The following HECTD4 variants were observed in gnomAD, a reference collection of about 807,000 sequenced individuals.
HECTD4 encodes HECT domain E3 ubiquitin protein ligase 4.
Under a neutral mutation model 471.5 loss-of-function variants are expected in HECTD4, and 114 were observed. That is an observed-to-expected ratio of 0.24 (90% CI 0.21 to 0.28). The LOEUF is 0.28. Among genes scored for constraint, HECTD4 ranks in the 10% least tolerant of loss-of-function variants. The pLI is 1.00. For missense variants in HECTD4, 3,866 were observed against 5,651.5 expected (o/e 0.68, Z 10.13); for synonymous variants, 2,012 against 2,256.0 (o/e 0.89, Z 3.07).
intron 44 of HECTD4, 91 bp from the exon 45 acceptor site, chr12:112,219,580 A>C: frequency 2.2e-5 from 18 of 834,364 alleles, no homozygotes; most frequent in Non-Finnish European, 2.9e-5. Context: ...AAACAATAAA[A>C]TGCACTTATA....
chr12:112,290,763 A>G (rs1206515529), intron 7 of HECTD4, among the ~76,000 whole-genome samples: 3 of 150,608 alleles, frequency 2.0e-5, no homozygotes, highest in African/African-American at 7.4e-5. Flanking sequence ...CAGGGGAATC[A>G]CTTGAACCTG....
At chr12:112,200,097 G>A (rs970144270) in intron 55 of HECTD4, among the ~76,000 whole-genome samples, 1 of 151,932 alleles carries the variant, frequency 6.6e-6, no homozygotes, top group Non-Finnish European at 1.5e-5. Flanking sequence ...CTACCCATCA[G>A]TCCTCCCAAA....
At chr12:112,202,195 A>T (rs2032448537) in intron 54 of HECTD4, among the ~76,000 whole-genome samples, 1 of 152,068 alleles carries the variant, frequency 6.6e-6, no homozygotes, top group Non-Finnish European at 1.5e-5. Context: ...GACAAAATAG[A>T]GTCAGATGAT....
At chr12:112,252,695 C>A (rs2033919023) in intron 22 of HECTD4, 167 bp from the exon 23 acceptor site, 4 of 802,508 alleles carry the variant, frequency 5.0e-6, no homozygotes, top group African/African-American at 3.5e-5. Context: ...TTTAGACAAC[C>A]AGTCCTTTAA....
At chr12:112,303,293 G>A (rs1478345831) in intron 7 of HECTD4, among the ~76,000 whole-genome samples, 1 of 152,142 alleles carries the variant, frequency 6.6e-6, no homozygotes, top group Non-Finnish European at 1.5e-5. Flanking sequence ...CACATCTGAT[G>A]TCCCAGTTGC....
intron 60 of HECTD4, 84 bp downstream of exon 60, chr12:112,190,702 C>T (rs1566066614): frequency 5.9e-6 from 8 of 1,354,626 alleles, no homozygotes; most frequent in Admixed American, 2.3e-5. Context: ...CCACTCCCTA[C>T]ACCACCTGGC....
At chr12:112,226,536 CT>C (rs546936186) in intron 44 of HECTD4, 106 bp downstream of exon 44, 213 of 596,292 alleles carry the variant, frequency 3.6e-4, no homozygotes, top group African/African-American at 3.5e-3. Context: ...TACAGCTCGG[CT>C]GTTTTGATGT....
At chr12:112,177,171 G>A (rs2031479193) in intron 64 of HECTD4, among the ~76,000 whole-genome samples, 2 of 152,142 alleles carry the variant, frequency 1.3e-5, no homozygotes, top group Non-Finnish European at 2.9e-5. Flanking sequence ...ATGGGACAGT[G>A]CTGATTGAGA....
chr12:112,282,453 T>G (rs1226826409), intron 8 of HECTD4, among the ~76,000 whole-genome samples: 1 of 152,120 alleles, frequency 6.6e-6, no homozygotes, highest in African/African-American at 2.4e-5. Flanking sequence ...TATAGTATAC[T>G]ACCTTCTATT....
intron 7 of HECTD4, among the ~76,000 whole-genome samples, chr12:112,298,634 G>A (rs983319601): frequency 2.0e-5 from 3 of 151,720 alleles, no homozygotes; most frequent in African/African-American, 7.3e-5. Context: ...TGTAATCCCA[G>A]CACTTTGGGA....
intron 66 of HECTD4, 24 bp downstream of exon 66, chr12:112,175,712 T>C (rs747819620): frequency 1.2e-6 from 2 of 1,607,936 alleles, no homozygotes; most frequent in Admixed American, 3.4e-5. Flanking sequence ...AGGTGCCAAC[T>C]GAGTCGAGGG....
Position 112,179,260 on chromosome 12 carries a change from T to C in HECTD4, c.11125A>G (p.Asn3709Asp), listed in dbSNP as rs1226501697. The part of the protein sequence containing the change: ...SDIYLSKEQI[N>D]SQTPGNLLHL... ...AGGAGGTTGCCTGGGGTCTGGGAGT[T>C]GATCTGCTCTTTGCTAAGATAAATG... Residue 3709 changes from asparagine to aspartate, a missense_variant, in exon 63 of 76, where the codon AAC becomes GAC. Transcript: ENST00000682272. This position sits in a 1 kb window ranked among gnomAD's most constrained non-coding sequence, Gnocchi z 4.3. 2 of 1,613,644 alleles carry C rather than the reference T, an allele frequency of 1.2e-6. No homozygotes were observed. Among genetic ancestry groups the C allele is most frequent in the Non-Finnish European group, 1.7e-6 (2 of 1,179,798 alleles).
chr12:112,263,285 AG>A (rs1223221422), intron 17 of HECTD4, among the ~76,000 whole-genome samples: 1 of 152,238 alleles, frequency 6.6e-6, no homozygotes, highest in Non-Finnish European at 1.5e-5. Context: ...TGCATAAAGG[AG>A]TAAGAAAGGG....
At chr12:112,321,579 A>G (rs1303877780) in intron 1 of HECTD4, among the ~76,000 whole-genome samples, 1 of 152,204 alleles carries the variant, frequency 6.6e-6, no homozygotes, top group Non-Finnish European at 1.5e-5. Flanking sequence ...ACATTAAGAA[A>G]GGTCATAGTG....
At chr12:112,236,797 T>A in intron 35 of HECTD4, 148 bp downstream of exon 35, 3 of 657,106 alleles carry the variant, frequency 4.6e-6, no homozygotes, top group Non-Finnish European at 7.1e-6. Context: ...TCAATGACTT[T>A]ATCCTCCATT....
chr12:112,206,416 G>A (rs949217595), intron 52 of HECTD4, among the ~76,000 whole-genome samples: 3 of 151,954 alleles, frequency 2.0e-5, no homozygotes, highest in Admixed American at 2.0e-4. Context: ...GATCTCTTGA[G>A]CCCAAGAGTT....
intron 1 of HECTD4, among the ~76,000 whole-genome samples, chr12:112,369,835 C>A (rs1339460993): frequency 6.6e-6 from 1 of 152,152 alleles, no homozygotes; most frequent in Non-Finnish European, 1.5e-5. Flanking sequence ...CTCAGGTGTG[C>A]ATGAGCAGGC....
intron 1 of HECTD4, among the ~76,000 whole-genome samples, chr12:112,356,120 G>GT (rs1238692932): frequency 6.6e-6 from 1 of 151,884 alleles, no homozygotes; most frequent in East Asian, 1.9e-4. Context: ...TCCCTCAAAC[G>GT]TATAAGCACC....
At chr12:112,277,652 C>G (rs1441743212) in intron 9 of HECTD4, among the ~76,000 whole-genome samples, 1 of 152,180 alleles carries the variant, frequency 6.6e-6, no homozygotes, top group Non-Finnish European at 1.5e-5. Flanking sequence ...ACCAAGCCCA[C>G]TACAGCAAGG....
Sources: gnomAD v4.1 joint callset for allele counts (sites outside exome capture counted in the v4.1 genomes callset) on GRCh38, gnomAD v4.1.1 for gene constraint, Gnocchi (gnomAD v3.1) non-coding constraint, MANE v1.5 for transcripts, NCBI Gene and HGNC (gene_info 2026-07-23, HGNC 2026-07-21) for gene names.